GALNT13: variants seen among roughly 807,000 people sequenced by gnomAD.
GALNT13 encodes the protein UDP-GalNAc:polypeptide N-acetylgalactosaminyltransferase 13.
Under a neutral mutation model 64.2 loss-of-function variants are expected in GALNT13, and 28 were observed. The observed-to-expected ratio is 0.44, with a 90% CI of 0.32 to 0.60. The LOEUF (loss-of-function observed/expected upper bound fraction) is 0.60, where lower values mean the gene tolerates loss of function less well. Ranked by LOEUF, GALNT13 falls within the 20% of genes least tolerant of loss-of-function variation. GALNT13 has a pLI of 0.05. For missense variants in GALNT13, 577 were observed against 669.8 expected, an observed-to-expected ratio of 0.86 and a Z score of 1.53; for synonymous variants, 214 against 224.6, an observed-to-expected ratio of 0.95 and a Z score of 0.42.
chr2:153,809,400 C>T, the GALNT13 span, among the ~76,000 whole-genome samples: 11,290 of 152,190 alleles, frequency 0.074, 501 homozygotes, highest in African/African-American at 0.11. Context: ...GGTGGCTTCT[C>T]TGTGATTCTC....
chr2:153,989,375 T>G (rs540816756), intron 3 of GALNT13, among the ~76,000 whole-genome samples: 1 of 151,860 alleles, frequency 6.6e-6, no homozygotes, highest in East Asian at 1.9e-4. Context: ...GGAAAGTTCT[T>G]AGTTTGCCTG....
chr2:154,409,132 T>TA lies in GALNT13; in HGVS notation c.1395+54dup, dbSNP rs775158071. The TA allele has an allele frequency of 2.5e-5, 28 of 1,132,584 alleles. No individual in the cohort carries two copies. In the South Asian group the frequency reaches 3.1e-4, roughly 12 times the overall value. 70.2% of individuals were successfully genotyped at this position (1,132,584 alleles called of 1,614,324 possible). A position where few individuals can be genotyped will look rare whatever the true frequency, so the allele number is the denominator to read the frequency against. ...TCATGTTTTAGAGGGAAAATATTGT[T>TA]AAAACTATCAGTGGAGACCATGGCT... On this transcript the variant is annotated intron_variant, in intron 11 of 12. Transcript: ENST00000392825.
intron 8 of GALNT13, among the ~76,000 whole-genome samples, chr2:154,290,940 G>T (rs979442377): frequency 6.6e-6 from 1 of 151,722 alleles, no homozygotes; most frequent in African/African-American, 2.4e-5. Context: ...CGTCCCTCCC[G>T]GTGGGTTCGT....
the GALNT13 span, among the ~76,000 whole-genome samples, chr2:153,601,413 G>A: frequency 4.8e-4 from 73 of 151,802 alleles, no homozygotes; most frequent in African/African-American, 1.3e-3. Flanking sequence ...TGTAAATGAT[G>A]CCAATACTTC....
chr2:153,472,834 T>C, the GALNT13 span, among the ~76,000 whole-genome samples: 2 of 152,212 alleles, frequency 1.3e-5, no homozygotes, highest in Admixed American at 1.3e-4. Context: ...TTAGGTTAGA[T>C]GCAAGCCACT....
At chr2:154,074,261 CT>C in intron 3 of GALNT13, among the ~76,000 whole-genome samples, 1 of 151,784 alleles carries the variant, frequency 6.6e-6, no homozygotes, top group South Asian at 2.1e-4. Flanking sequence ...ATAAGTTATG[CT>C]TAAAAGTGAA....
the GALNT13 span, chr2:153,357,210 A>G: frequency 2.0e-5 from 3 of 152,204 alleles, no homozygotes; most frequent in Admixed American, 6.5e-5. Flanking sequence ...GCATGCAACA[A>G]TAGATAAAAG....
intron 3 of GALNT13, among the ~76,000 whole-genome samples, chr2:154,025,611 AT>A (rs1697899311): frequency 6.6e-6 from 1 of 152,190 alleles, no homozygotes; most frequent in African/African-American, 2.4e-5. Context: ...TGGATTTTTA[AT>A]TTACACAGTG....
At chr2:153,213,835 T>C in the GALNT13 span, among the ~76,000 whole-genome samples, 2 of 152,184 alleles carry the variant, frequency 1.3e-5, no homozygotes, top group East Asian at 3.9e-4. Context: ...CTGGCTGATA[T>C]AATGAAAGTA....
At chr2:153,184,375 G>T in the GALNT13 span, among the ~76,000 whole-genome samples, 3 of 152,256 alleles carry the variant, frequency 2.0e-5, no homozygotes, top group African/African-American at 7.2e-5. Context: ...TTTTGGGTGG[G>T]ACAATGGGAT....
At chr2:153,250,009 A>G in the GALNT13 span, among the ~76,000 whole-genome samples, 1 of 152,234 alleles carries the variant, frequency 6.6e-6, no homozygotes, top group Non-Finnish European at 1.5e-5. Context: ...ACAAAAAGCA[A>G]CTGCAACAGA....
intron 4 of GALNT13, chr2:154,236,057 T>C (rs1359503398): frequency 1.6e-5 from 20 of 1,247,850 alleles, no homozygotes; most frequent in Non-Finnish European, 2.1e-5. Flanking sequence ...TAATAGACCA[T>C]GAGAACAGCA....
chr2:153,782,393 T>C, the GALNT13 span, among the ~76,000 whole-genome samples: 1 of 152,152 alleles, frequency 6.6e-6, no homozygotes, highest in Non-Finnish European at 1.5e-5. Flanking sequence ...TTGTACAGCA[T>C]CCTGTTCAGT....
the GALNT13 span, among the ~76,000 whole-genome samples, chr2:153,366,550 T>A: frequency 6.6e-6 from 1 of 151,968 alleles, no homozygotes; most frequent in Non-Finnish European, 1.5e-5. Context: ...TAAAATACTC[T>A]AATACATTTG....
At chr2:153,307,119 G>C in the GALNT13 span, among the ~76,000 whole-genome samples, 2 of 152,080 alleles carry the variant, frequency 1.3e-5, no homozygotes, top group African/African-American at 4.8e-5. Flanking sequence ...GAGAACTTTC[G>C]TTTTTCAGCA....
At chr2:153,914,235 G>A (rs1689174588) in intron 2 of GALNT13, among the ~76,000 whole-genome samples, 1 of 152,138 alleles carries the variant, frequency 6.6e-6, no homozygotes, top group South Asian at 2.1e-4. Flanking sequence ...AGAGAACACT[G>A]TCCATCATTT....
chr2:153,946,075 C>T (rs1691718440), intron 3 of GALNT13, among the ~76,000 whole-genome samples: 1 of 152,032 alleles, frequency 6.6e-6, no homozygotes, highest in South Asian at 2.1e-4. Context: ...GTTAAAACCC[C>T]AGAATTAATC....
the GALNT13 span, among the ~76,000 whole-genome samples, chr2:153,835,818 T>C: frequency 6.6e-6 from 1 of 152,054 alleles, no homozygotes; most frequent in Non-Finnish European, 1.5e-5. Flanking sequence ...GATTAACTCT[T>C]ATATTTTGAT....
chr2:154,110,294 T>G (rs1184363241), intron 3 of GALNT13, among the ~76,000 whole-genome samples: 406 of 7,158 alleles, frequency 0.057, 23 homozygotes, highest in East Asian at 0.12. Flanking sequence ...TATATATATA[T>G]ATATATATAT....
Sources: allele counts gnomAD v4.1 joint callset (sites outside exome capture counted in the v4.1 genomes callset), GRCh38; gene constraint gnomAD v4.1.1; transcripts MANE v1.5; gene names NCBI Gene and HGNC (gene_info 2026-07-23, HGNC 2026-07-21).